TOP6BL: variants seen among roughly 807,000 people sequenced by gnomAD.
The protein encoded by TOP6BL is TOP6B like initiator of meiotic double strand breaks.
the TOP6BL span, among the ~76,000 whole-genome samples, chr11:66,794,169 T>C: frequency 4.0e-5 from 6 of 151,420 alleles, no homozygotes; most frequent in African/African-American, 9.7e-5. Flanking sequence ...TTTATCCTTC[T>C]ATATTTGCAT....
At chr11:66,816,472 G>A in the TOP6BL span, among the ~76,000 whole-genome samples, 1 of 152,136 alleles carries the variant, frequency 6.6e-6, no homozygotes, top group Non-Finnish European at 1.5e-5. Flanking sequence ...AACGTTAGCC[G>A]CACAATATAT....
chr11:66,778,402 G>A, the TOP6BL span, among the ~76,000 whole-genome samples: 2 of 152,176 alleles, frequency 1.3e-5, no homozygotes, highest in African/African-American at 4.8e-5. Context: ...AGAGGTCAAG[G>A]CTACAGTGAG....
At chr11:66,762,235 G>T in the TOP6BL span, 1 of 580,170 alleles carries the variant, frequency 1.7e-6, no homozygotes. Flanking sequence ...GGCCGCAGGG[G>T]GCCCGGCCGC....
the TOP6BL span, chr11:66,828,393 G>T: frequency 6.5e-7 from 1 of 1,536,400 alleles, no homozygotes; most frequent in Non-Finnish European, 9.0e-7. Flanking sequence ...TACTTTGGTG[G>T]GAATCTTCCA....
At chr11:66,816,682 C>T in the TOP6BL span, among the ~76,000 whole-genome samples, 11 of 152,200 alleles carry the variant, frequency 7.2e-5, no homozygotes, top group Non-Finnish European at 1.3e-4. Context: ...CCGCTTCAGC[C>T]TCCCAAGTAG....
chr11:66,842,336 T>C, the TOP6BL span, among the ~76,000 whole-genome samples: 2 of 152,218 alleles, frequency 1.3e-5, no homozygotes, highest in Non-Finnish European at 2.9e-5. Context: ...ATCTGTGAGC[T>C]TCTCTCAGGG....
the TOP6BL span, chr11:66,759,204 A>G: frequency 1.4e-6 from 1 of 738,284 alleles, no homozygotes; most frequent in East Asian, 2.8e-5. Context: ...ATTTATAAAT[A>G]AAAATACAGG....
the TOP6BL span, chr11:66,828,515 T>C: frequency 2.1e-5 from 13 of 610,280 alleles, no homozygotes; most frequent in South Asian, 2.5e-4. Context: ...ATCATCTGTT[T>C]TCTATCTCTC....
chr11:66,821,939 A>G, the TOP6BL span, among the ~76,000 whole-genome samples: 10 of 152,180 alleles, frequency 6.6e-5, no homozygotes, highest in Non-Finnish European at 1.0e-4. Context: ...TTTAGCTTAG[A>G]TGGATCACTG....
At chr11:66,832,137 G>A in the TOP6BL span, among the ~76,000 whole-genome samples, 4 of 147,822 alleles carry the variant, frequency 2.7e-5, no homozygotes, top group South Asian at 2.2e-4. Context: ...TCACTCTGTC[G>A]CCCAGGCTGG....
At chr11:66,763,341 G>A in the TOP6BL span, among the ~76,000 whole-genome samples, 2 of 152,142 alleles carry the variant, frequency 1.3e-5, no homozygotes, top group Non-Finnish European at 2.9e-5. Context: ...TACAGACTTC[G>A]GCTTTTGCTC....
chr11:66,829,666 T>C, the TOP6BL span, among the ~76,000 whole-genome samples: 1 of 151,462 alleles, frequency 6.6e-6, no homozygotes, highest in African/African-American at 2.4e-5. Context: ...GGCAGGTGGA[T>C]TACTTGACCC....
At chr11:66,837,772 T>TA in the TOP6BL span, among the ~76,000 whole-genome samples, 2 of 152,180 alleles carry the variant, frequency 1.3e-5, no homozygotes, top group African/African-American at 4.8e-5. Flanking sequence ...AGGAAGAAGA[T>TA]ACCTATTTTT....
chr11:66,821,964 A>G, the TOP6BL span, among the ~76,000 whole-genome samples: 1 of 152,164 alleles, frequency 6.6e-6, no homozygotes, highest in Non-Finnish European at 1.5e-5. Flanking sequence ...CAGCTTGCTT[A>G]GTCTTACCTC....
chr11:66,797,026 G>A, the TOP6BL span, among the ~76,000 whole-genome samples: 1 of 149,806 alleles, frequency 6.7e-6, no homozygotes, highest in South Asian at 2.1e-4. Flanking sequence ...TTGAGACAGA[G>A]TCTTACTCTG....
chr11:66,825,986 C>A, the TOP6BL span, among the ~76,000 whole-genome samples: 1 of 152,064 alleles, frequency 6.6e-6, no homozygotes, highest in Non-Finnish European at 1.5e-5. Flanking sequence ...GGACTACAGG[C>A]GCCCGCCACC....
chr11:66,796,466 C>CT, the TOP6BL span: 2 of 875,888 alleles, frequency 2.3e-6, no homozygotes, highest in Non-Finnish European at 3.5e-6. Context: ...GGTTCTTTTT[C>CT]TTTCAATGAA....
At chr11:66,838,493 TA>T in the TOP6BL span, 1 of 1,546,242 alleles carries the variant, frequency 6.5e-7, no homozygotes, top group South Asian at 1.1e-5. Context: ...GCAGAGGAAG[TA>T]AAAAACGTGA....
chr11:66,797,384 T>G, the TOP6BL span, among the ~76,000 whole-genome samples: 1 of 152,202 alleles, frequency 6.6e-6, no homozygotes, highest in Non-Finnish European at 1.5e-5. Context: ...TCACTTTTTT[T>G]TATTGCTTTA....
Sources: gnomAD v4.1 joint callset for allele counts (sites outside exome capture counted in the v4.1 genomes callset) on GRCh38, gnomAD v4.1.1 for gene constraint, MANE v1.5 for transcripts, NCBI Gene and HGNC (gene_info 2026-07-23, HGNC 2026-07-21) for gene names.